Variants in FGF14 observed in about 807,000 individuals in gnomAD.
The protein encoded by FGF14 is fibroblast growth factor 14.
A neutral mutation model predicts 25.5 loss-of-function variants in FGF14; 5 were observed. The ratio of observed to expected loss-of-function variants is 0.20; its 90% CI spans 0.10 to 0.41. The LOEUF (loss-of-function observed/expected upper bound fraction) is 0.41. Ranked by LOEUF, FGF14 falls within the 10% of genes least tolerant of loss-of-function variation. FGF14 has a pLI of 1.00. For synonymous variants in FGF14, 138 were observed against 118.3 expected, an observed-to-expected ratio of 1.17 and a Z score of -1.08; for missense variants, 222 against 320.1, an observed-to-expected ratio of 0.69 and a Z score of 2.34.
intron 3 of FGF14, among the ~76,000 whole-genome samples, chr13:101,811,048 G>GCCCACA (rs2041482920): frequency 7.1e-6 from 1 of 140,272 alleles, no homozygotes; most frequent in Non-Finnish European, 1.6e-5. Context: ...CCCGGCCCCC[G>GCCCACA]CATTATCGAC....
chr13:102,018,806 C>A (rs1181530017), intron 1 of FGF14, among the ~76,000 whole-genome samples: 1 of 152,076 alleles, frequency 6.6e-6, no homozygotes, highest in Non-Finnish European at 1.5e-5. Flanking sequence ...TAATATTTTT[C>A]AAATATGGCA....
chr13:101,775,076 G>A (rs552107572), intron 3 of FGF14, among the ~76,000 whole-genome samples: 1 of 151,790 alleles, frequency 6.6e-6, no homozygotes, highest in Non-Finnish European at 1.5e-5. Context: ...TGGACTATGT[G>A]TTCCAACTTC....
At chr13:102,253,698 T>C (rs1475543962) in intron 1 of FGF14, among the ~76,000 whole-genome samples, 1 of 152,230 alleles carries the variant, frequency 6.6e-6, no homozygotes, top group Non-Finnish European at 1.5e-5. Flanking sequence ...TTTTGGCTTT[T>C]GCTGTACTCT....
chr13:102,152,231 G>A (rs1173327575), intron 1 of FGF14, among the ~76,000 whole-genome samples: 1 of 152,112 alleles, frequency 6.6e-6, no homozygotes, highest in East Asian at 1.9e-4. Context: ...TTTAAGACTT[G>A]GTAAAGCTCC....
At chr13:102,103,006 C>T (rs2044732017) in intron 1 of FGF14, among the ~76,000 whole-genome samples, 1 of 152,150 alleles carries the variant, frequency 6.6e-6, no homozygotes, top group African/African-American at 2.4e-5. Context: ...GTGACATCTG[C>T]CTGGCAAAAT....
chr13:102,374,581 A>G (rs974826836), intron 1 of FGF14, among the ~76,000 whole-genome samples: 5 of 144,996 alleles, frequency 3.4e-5, no homozygotes, highest in Non-Finnish European at 7.6e-5. Context: ...TAATAAATGT[A>G]AAAGTAAATT....
At chr13:102,006,227 A>G (rs1432696896) in intron 1 of FGF14, among the ~76,000 whole-genome samples, 1 of 152,234 alleles carries the variant, frequency 6.6e-6, no homozygotes, top group Non-Finnish European at 1.5e-5. Flanking sequence ...CTTCATGTAA[A>G]TCTGAAATTA....
At chr13:102,376,627 C>T (rs571289484) in intron 1 of FGF14, among the ~76,000 whole-genome samples, 28 of 152,228 alleles carry the variant, frequency 1.8e-4, no homozygotes, top group African/African-American at 6.7e-4. Context: ...CCCATTGCCT[C>T]TCCTGGAAAA....
chr13:101,894,634 C>A (rs923741576), intron 1 of FGF14, among the ~76,000 whole-genome samples: 2 of 152,160 alleles, frequency 1.3e-5, no homozygotes, highest in African/African-American at 4.8e-5. Context: ...TACCCACTGA[C>A]AGATTTCATT....
intron 1 of FGF14, among the ~76,000 whole-genome samples, chr13:101,929,457 TG>T (rs1416671144): frequency 2.6e-5 from 4 of 152,204 alleles, no homozygotes; most frequent in Non-Finnish European, 5.9e-5. Flanking sequence ...AGCCTGTCAG[TG>T]ACGAAATTAG....
intron 1 of FGF14, among the ~76,000 whole-genome samples, chr13:102,398,223 A>C (rs2058626396): frequency 6.6e-6 from 1 of 152,224 alleles, no homozygotes; most frequent in Non-Finnish European, 1.5e-5. Flanking sequence ...AACACTATTT[A>C]ATGAAGACCT....
chr13:102,027,926 T>C (rs751193750), intron 1 of FGF14, among the ~76,000 whole-genome samples: 6 of 152,162 alleles, frequency 3.9e-5, no homozygotes, highest in Admixed American at 1.3e-4. Context: ...TTTTATTATA[T>C]AGAGAGAAAC....
At chr13:102,135,628 C>T (rs1276390053) in intron 1 of FGF14, among the ~76,000 whole-genome samples, 3 of 152,092 alleles carry the variant, frequency 2.0e-5, no homozygotes, top group African/African-American at 7.2e-5. Flanking sequence ...AATTTCTCTA[C>T]ATGTGGGATT....
At chr13:101,845,545 A>G (rs1566302137) in intron 3 of FGF14, among the ~76,000 whole-genome samples, 1 of 152,118 alleles carries the variant, frequency 6.6e-6, no homozygotes, top group Middle Eastern at 3.4e-3. Flanking sequence ...AGACAGGAAA[A>G]CACAGAGATA....
chr13:102,347,636 T>C (rs2057150536), intron 1 of FGF14, among the ~76,000 whole-genome samples: 2 of 152,152 alleles, frequency 1.3e-5, no homozygotes, highest in Non-Finnish European at 2.9e-5. Flanking sequence ...CAATCCCAAC[T>C]GCCCTGGCCA....
At chr13:102,346,509 T>G (rs2057108656) in intron 1 of FGF14, among the ~76,000 whole-genome samples, 1 of 152,168 alleles carries the variant, frequency 6.6e-6, no homozygotes, top group Non-Finnish European at 1.5e-5. Context: ...AATGGAACTC[T>G]GTTTACTGAC....
At chr13:101,831,807 C>T in intron 3 of FGF14, among the ~76,000 whole-genome samples, 1 of 152,014 alleles carries the variant, frequency 6.6e-6, no homozygotes, top group East Asian at 1.9e-4. Context: ...CTCAAATAGG[C>T]ACAACTGTTC....
At chr13:101,992,055 G>A (rs1004204572) in intron 1 of FGF14, among the ~76,000 whole-genome samples, 2 of 152,100 alleles carry the variant, frequency 1.3e-5, no homozygotes, top group Non-Finnish European at 2.9e-5. Flanking sequence ...TACTTGTAAA[G>A]GCCACAGGCC....
chr13:102,294,121 T>C (rs889343353), intron 1 of FGF14: 1 of 152,204 alleles, frequency 6.6e-6, no homozygotes, highest in African/African-American at 2.4e-5. Context: ...TAGCAGTTGT[T>C]ATGCAATCAT....
Sources: gnomAD v4.1 joint callset for allele counts (sites outside exome capture counted in the v4.1 genomes callset) on GRCh38, gnomAD v4.1.1 for gene constraint, MANE v1.5 for transcripts, NCBI Gene and HGNC (gene_info 2026-07-23, HGNC 2026-07-21) for gene names.